Variants in ONECUT2 observed in about 807,000 individuals in gnomAD.
ONECUT2 encodes the protein one cut domain family member 2.
A neutral mutation model predicts 27.9 loss-of-function variants in ONECUT2; 10 were observed. That is an observed-to-expected ratio of 0.36 (90% confidence interval 0.22 to 0.61). ONECUT2 has a LOEUF of 0.61. Ranked by LOEUF, ONECUT2 falls within the 20% of genes least tolerant of loss-of-function variation. The pLI is 0.73. For synonymous variants in ONECUT2, 334 were observed against 315.1 expected (o/e 1.06, Z -0.64); for missense variants, 686 against 721.0 (o/e 0.95, Z 0.56).
At position 57,483,412 on chromosome 18, in the gene ONECUT2, AC is replaced by A. The variant is rs1861642678; in HGVS notation, c.*6693del. ...AAAAAATGAAGACACCCTCTGCCCC[AC>A]CCCACAGAATGCTTTTTATCTTGTC... On this transcript the variant is annotated 3_prime_UTR_variant, in exon 2 of 2. Transcript: ENST00000491143. The A allele has an allele frequency of 6.6e-6, 1 of 152,510 alleles. No individual in the cohort carries two copies. The highest frequency in any genetic ancestry group is 2.4e-5 in the African/African-American group (1 of 41,420). The allele number at this position is 152,510 out of a possible 1,614,324, so 9.4% of individuals were successfully genotyped here.
chr18:57,476,333 G>A (rs1205768233), intron 1 of ONECUT2, 104 bp from the exon 2 acceptor site: 21 of 1,229,140 alleles, frequency 1.7e-5, no homozygotes, highest in Non-Finnish European at 2.2e-5. Context: ...GCACAATAAA[G>A]TTTAACGGTT....
intron 1 of ONECUT2, among the ~76,000 whole-genome samples, chr18:57,464,369 T>C (rs1213270518): frequency 6.6e-6 from 1 of 152,214 alleles, no homozygotes; most frequent in East Asian, 1.9e-4. Flanking sequence ...TTTTCCGATA[T>C]AACATTGAAT....
intron 1 of ONECUT2, among the ~76,000 whole-genome samples, chr18:57,462,012 C>G (rs2050294648): frequency 6.6e-6 from 1 of 152,356 alleles, no homozygotes; most frequent in East Asian, 1.9e-4. Context: ...AAACAGTCTT[C>G]CAATCTGTTG....
In ONECUT2 at chr18:57,436,979, G is replaced by A; in HGVS notation, c.1228+35G>A. 10 of 1,536,526 alleles carry A rather than the reference G, an allele frequency of 6.5e-6. No homozygotes were observed. Among genetic ancestry groups the A allele is most frequent in the Admixed American group, 2.0e-5 (1 of 50,588 alleles). On this transcript the variant is annotated intron_variant, in intron 1 of 1. Transcript: ENST00000491143. This position sits in a 1 kb window ranked among gnomAD's most constrained non-coding sequence, Gnocchi z 5.9. ...GGGCTAGCCAGGGGCCAGGCTGCTG[G>A]GAAGAGGGCTCCGGGTCCGGTGCTT...
rs895998166 is a variant in ONECUT2, at chr18:57,437,771, C to A, written c.1228+827C>A. Among the ~76,000 whole-genome samples, 5 of 152,376 alleles carry A rather than the reference C, an allele frequency of 3.3e-5. 1 individual carries two copies. Among genetic ancestry groups the A allele is most frequent in the Admixed American group, 3.3e-4 (5 of 15,310 alleles). ...CCGGCCGTCCTTGCCCCGGTCCCAG[C>A]GTTTGCTGGGATTTGCCAGGATTTG... On this transcript the variant is annotated intron_variant, in intron 1 of 1. Coordinates refer to ENST00000491143, the MANE Select transcript of ONECUT2 (RefSeq NM_004852.3).
intron 1 of ONECUT2, among the ~76,000 whole-genome samples, chr18:57,451,298 A>T (rs553877662): frequency 6.6e-6 from 1 of 152,350 alleles, no homozygotes; most frequent in African/African-American, 2.4e-5. Context: ...GCTGTGCTGC[A>T]TGATAACTAG....
chr18:57,470,957 C>T (rs539498215), intron 1 of ONECUT2, among the ~76,000 whole-genome samples: 5 of 152,334 alleles, frequency 3.3e-5, no homozygotes, highest in East Asian at 3.9e-4. Flanking sequence ...AGAAGGAAAA[C>T]GCACGATGCG....
Position 57,436,758 on chromosome 18 carries a change from C to T in ONECUT2, c.1042C>T (p.Arg348Cys). 3 of 1,614,002 alleles carry T rather than the reference C, an allele frequency of 1.9e-6. No homozygotes were observed. ...VAQRITAELK[R>C]YSIPQAIFAQ... Reference sequence around the variant, plus strand: ...CCAGCGCATCACAGCGGAGCTGAAGCGCTACAGTATCCCCCAGGCGATCTT... The same window carrying T: ...CCAGCGCATCACAGCGGAGCTGAAGTGCTACAGTATCCCCCAGGCGATCTT... Residue 348 changes from arginine to cysteine, a missense_variant, in exon 1 of 2, where the codon CGC (arginine) becomes TGC (cysteine). Coordinates refer to ENST00000491143, the MANE Select transcript of ONECUT2 (RefSeq NM_004852.3). This position sits in a 1 kb window ranked among gnomAD's most constrained non-coding sequence, Gnocchi z 5.9.
At chr18:57,447,818 C>A (rs2050209064) in intron 1 of ONECUT2, among the ~76,000 whole-genome samples, 1 of 152,142 alleles carries the variant, frequency 6.6e-6, no homozygotes, top group African/African-American at 2.4e-5. Context: ...CAAGGAGAAC[C>A]AACTGTGGAG....
At chr18:57,475,937 A>G (rs2050379587) in intron 1 of ONECUT2, among the ~76,000 whole-genome samples, 1 of 152,190 alleles carries the variant, frequency 6.6e-6, no homozygotes, top group African/African-American at 2.4e-5. Context: ...CATTCTGTTA[A>G]CAATTTTTAG....
Position 57,481,198 on chromosome 18 carries a change from A to G in ONECUT2, c.*4475A>G, listed in dbSNP as rs138463750. On this transcript the variant is annotated 3_prime_UTR_variant, in exon 2 of 2. Coordinates refer to ENST00000491143, the MANE Select transcript of ONECUT2 (RefSeq NM_004852.3). ...GAAACAGCAACAACAATAAAAACTC[A>G]GCACCAATATTTAAAAGCTTTTCCA... The G allele has an allele frequency of 2.0e-4, 31 of 152,302 alleles. No individual in the cohort carries two copies. The highest frequency in any genetic ancestry group is 7.0e-4 in the African/African-American group (29 of 41,562). The allele number at this position is 152,302 out of a possible 1,614,324, so 9.4% of individuals were successfully genotyped here.
At position 57,436,330 on chromosome 18, in the gene ONECUT2, C is replaced by G; in HGVS notation, c.614C>G (p.Pro205Arg). ...FTLMRDERGL[P>R]AMNNLYSPYK... is the part of the protein sequence containing the mutation. ...CTCATGCGCGACGAGCGCGGGCTCC[C>G]GGCCATGAACAACCTCTACAGTCCC... The change falls in exon 1 of 2, where the codon CCG (proline) becomes CGG (arginine). Residue 205 changes from proline to arginine, a missense_variant. Physicochemically the swap from Pro to Arg is moderately radical, Grantham distance 103. Around this residue, in one of 4 missense-constraint regions of ONECUT2, gnomAD observed 511 missense variants for 488.1 expected, o/e 1.05. Transcript: ENST00000491143. The surrounding 1 kb of genome is among the most constrained non-coding windows in gnomAD (Gnocchi z 5.9). The G allele has an allele frequency of 6.2e-7, 1 of 1,604,896 alleles. No individual in the cohort carries two copies. The highest frequency in any genetic ancestry group is 1.1e-5 in the South Asian group (1 of 91,050).
intron 1 of ONECUT2, among the ~76,000 whole-genome samples, chr18:57,459,716 G>C (rs1193150186): frequency 6.6e-6 from 1 of 152,024 alleles, no homozygotes; most frequent in Non-Finnish European, 1.5e-5. Flanking sequence ...TCTCCACCAT[G>C]CCTGCCTAAT....
At chr18:57,467,884 G>T (rs190014526) in intron 1 of ONECUT2, among the ~76,000 whole-genome samples, 1 of 152,156 alleles carries the variant, frequency 6.6e-6, no homozygotes, top group Admixed American at 6.5e-5. Context: ...TGTGTGCATC[G>T]TGCATGGCCC....
At chr18:57,470,446 G>A (rs1035412524) in intron 1 of ONECUT2, among the ~76,000 whole-genome samples, 17 of 152,266 alleles carry the variant, frequency 1.1e-4, no homozygotes, top group Middle Eastern at 3.4e-3. Flanking sequence ...CCATACCTCT[G>A]CCCCATCTTC....
In ONECUT2 at chr18:57,490,777, T is replaced by C. The variant is rs1384498250; in HGVS notation, c.*14054T>C. The C allele has an allele frequency of 2.0e-5, 3 of 152,406 alleles. No individual in the cohort carries two copies. Among genetic ancestry groups the C allele is most frequent in the Non-Finnish European group, 4.4e-5 (3 of 68,032 alleles). The allele number at this position is 152,406 out of a possible 1,614,324, so 9.4% of individuals were successfully genotyped here. On this transcript the variant is annotated 3_prime_UTR_variant, in exon 2 of 2. Coordinates refer to ENST00000491143, the MANE Select transcript of ONECUT2 (RefSeq NM_004852.3). Reference sequence around the variant, plus strand: ...ACGGGTATTATTGCCAAGAAAATCGTAGGGAAAAACTTTAAACTTTTCTTT... The same window carrying C: ...ACGGGTATTATTGCCAAGAAAATCGCAGGGAAAAACTTTAAACTTTTCTTT...
intron 1 of ONECUT2, among the ~76,000 whole-genome samples, chr18:57,455,931 T>C (rs966420719): frequency 1.3e-5 from 2 of 152,360 alleles, no homozygotes; most frequent in African/African-American, 4.8e-5. Flanking sequence ...GTGGTTTCTC[T>C]TCAGTTTCAG....
chr18:57,439,872 G>T (rs2050164842), intron 1 of ONECUT2, among the ~76,000 whole-genome samples: 1 of 152,164 alleles, frequency 6.6e-6, no homozygotes, highest in Admixed American at 6.5e-5. Context: ...CCCCGCCCCC[G>T]GGTCCTGCCA....
intron 1 of ONECUT2, among the ~76,000 whole-genome samples, chr18:57,465,145 T>C (rs2050313680): frequency 6.6e-6 from 1 of 150,728 alleles, no homozygotes; most frequent in African/African-American, 2.4e-5. Context: ...CTTACTCCTC[T>C]TTTTTTGCGG....
Sources: allele counts gnomAD v4.1 joint callset (sites outside exome capture counted in the v4.1 genomes callset), GRCh38; gene constraint gnomAD v4.1.1; regional missense constraint gnomAD v4.1.1; non-coding constraint Gnocchi (gnomAD v3.1); transcripts MANE v1.5; gene names NCBI Gene and HGNC (gene_info 2026-07-23, HGNC 2026-07-21).